Variants in CDYL observed in about 807,000 individuals in gnomAD.
CDYL encodes chromodomain Y-like protein.
A neutral mutation model predicts 47.3 loss-of-function variants in CDYL; 8 were observed. The observed-to-expected ratio is 0.17, with a 90% CI of 0.10 to 0.31. The LOEUF (loss-of-function observed/expected upper bound fraction) is 0.31, where lower values mean the gene tolerates loss of function less well. CDYL is among the 10% of genes least tolerant of loss of function. The pLI is 1.00. For synonymous variants in CDYL, 266 were observed against 265.0 expected (o/e 1.00, Z -0.04); for missense variants, 471 against 701.4 (o/e 0.67, Z 3.71).
At chr6:4,805,043 C>CA (rs1425344793) in intron 1 of CDYL, among the ~76,000 whole-genome samples, 3 of 151,750 alleles carry the variant, frequency 2.0e-5, no homozygotes, top group South Asian at 2.1e-4. Flanking sequence ...TAAATCAGAC[C>CA]AAAAAAACCC....
rs567115323 is a variant in CDYL, at chr6:4,934,899, C to T, written c.692-616C>T. 2.0e-5 allele frequency among the ~76,000 whole-genome samples: 3 copies of T among 152,244 alleles called. No individual in the cohort carries two copies. In the South Asian group the frequency reaches 6.2e-4, roughly 32 times the overall value. On this transcript the variant is annotated intron_variant, in intron 2 of 6. Coordinates refer to ENST00000397588, the MANE Select transcript of CDYL (RefSeq NM_004824.4). ...GGGAGAGGAGAGCTATCTTCAGCTG[C>T]TTAACAGGGCTGTTTGAAAAAGGAG...
intron 3 of CDYL, among the ~76,000 whole-genome samples, chr6:4,767,263 A>T (rs957975203): frequency 1.4e-3 from 198 of 138,090 alleles, no homozygotes; most frequent in African/African-American, 6.2e-3. Context: ...TCATGATAAA[A>T]AAAAAAAAAG....
At chr6:4,723,480 A>G (rs11242975) in intron 2 of CDYL, among the ~76,000 whole-genome samples, 65,837 of 151,798 alleles carry the variant, frequency 0.43, 14,669 homozygotes, top group African/African-American at 0.56. Flanking sequence ...GCATAGTTAG[A>G]GAAAACAATG....
chr6:4,946,672 G>A (rs575047911), intron 5 of CDYL, among the ~76,000 whole-genome samples: 2 of 151,794 alleles, frequency 1.3e-5, no homozygotes, highest in East Asian at 1.9e-4. Flanking sequence ...CTGACCTTGC[G>A]CCTGTGGGGC....
At chr6:4,949,184 G>C (rs1758620150) in intron 5 of CDYL, among the ~76,000 whole-genome samples, 1 of 152,232 alleles carries the variant, frequency 6.6e-6, no homozygotes, top group Admixed American at 6.5e-5. Flanking sequence ...GACATTCATG[G>C]AGTGCATGGA....
intron 3 of CDYL, among the ~76,000 whole-genome samples, chr6:4,735,907 G>T (rs997629780): frequency 1.4e-3 from 6 of 4,328 alleles, no homozygotes; most frequent in Non-Finnish European, 3.7e-3. Flanking sequence ...GCACGTGATG[G>T]GGGGGGGTGG....
intron 2 of CDYL, among the ~76,000 whole-genome samples, chr6:4,924,956 A>G (rs940189563): frequency 1.3e-5 from 2 of 152,224 alleles, no homozygotes; most frequent in African/African-American, 2.4e-5. Flanking sequence ...AATACGATAC[A>G]TTATCTTGAA....
At chr6:4,788,644 C>T (rs765947753) in intron 1 of CDYL, among the ~76,000 whole-genome samples, 1 of 151,902 alleles carries the variant, frequency 6.6e-6, no homozygotes, top group Non-Finnish European at 1.5e-5. Flanking sequence ...CCACCCCTCC[C>T]CCACCATATT....
chr6:4,745,904 A>G (rs1757887919), intron 3 of CDYL, among the ~76,000 whole-genome samples: 1 of 152,210 alleles, frequency 6.6e-6, no homozygotes, highest in Non-Finnish European at 1.5e-5. Flanking sequence ...AGGAGAAAGC[A>G]TGTGTTCAGG....
chr6:4,872,251 A>G (rs1761496764), intron 1 of CDYL, among the ~76,000 whole-genome samples: 2 of 150,402 alleles, frequency 1.3e-5, no homozygotes, highest in Admixed American at 6.6e-5. Flanking sequence ...TGACCTTTAC[A>G]CCAAGAGCTT....
chr6:4,803,095 G>C (rs946524791), intron 1 of CDYL, among the ~76,000 whole-genome samples: 1 of 152,194 alleles, frequency 6.6e-6, no homozygotes, highest in African/African-American at 2.4e-5. Context: ...GAGCCCTTCA[G>C]CCTTAGACTG....
upstream of CDYL, among the ~76,000 whole-genome samples, chr6:4,774,033 A>G (rs1758378441): frequency 6.6e-6 from 1 of 152,170 alleles, no homozygotes; most frequent in South Asian, 2.1e-4. Flanking sequence ...CCTGGGCAAC[A>G]ATGGCAGTTT....
intron 2 of CDYL, among the ~76,000 whole-genome samples, chr6:4,716,467 A>G (rs547004223): frequency 2.0e-5 from 3 of 151,962 alleles, no homozygotes; most frequent in African/African-American, 7.2e-5. Context: ...TGTGTCTCCC[A>G]TTGCTCTTTA....
chr6:4,952,210 C>A, intron 5 of CDYL, 56 bp from the exon 6 acceptor site: 3 of 1,576,266 alleles, frequency 1.9e-6, no homozygotes, highest in South Asian at 1.2e-5. Context: ...AGGGATGGGT[C>A]TTCCCCGCCC....
intron 3 of CDYL, among the ~76,000 whole-genome samples, chr6:4,762,645 C>CAAAAA (rs1173404314): frequency 1.3e-4 from 5 of 39,650 alleles, no homozygotes; most frequent in South Asian, 1.0e-3. Context: ...TAAAGGGTAC[C>CAAAAA]AAAAAAAAAA....
chr6:4,812,123 T>G lies in CDYL; in HGVS notation c.24+35316T>G, dbSNP rs116155864. ...TTGTAGGGACATGGTTTTGTATACA[T>G]GTTTTCTATAGTGAACATAGAAAGT... On this transcript the variant is annotated intron_variant, in intron 1 of 6. Coordinates refer to ENST00000397588, the MANE Select transcript of CDYL (RefSeq NM_004824.4). 5.8e-3 allele frequency among the ~76,000 whole-genome samples: 887 copies of G among 152,314 alleles called. 8 individuals are homozygous for G. Among genetic ancestry groups the G allele is most frequent in the African/African-American group, 0.02 (851 of 41,560 alleles).
At chr6:4,949,279 G>A (rs1758624900) in intron 5 of CDYL, among the ~76,000 whole-genome samples, 1 of 152,182 alleles carries the variant, frequency 6.6e-6, no homozygotes, top group Non-Finnish European at 1.5e-5. Context: ...GCTGGAGAAT[G>A]CCCAGCGAGT....
chr6:4,925,409 CT>C (rs58457972), intron 2 of CDYL, among the ~76,000 whole-genome samples: 84 of 109,298 alleles, frequency 7.7e-4, no homozygotes, highest in African/African-American at 2.8e-3. Context: ...ATTCTTTTTT[CT>C]TTTTTTTTTT....
chr6:4,829,019 T>C (rs1274188944), intron 1 of CDYL, among the ~76,000 whole-genome samples: 2 of 152,216 alleles, frequency 1.3e-5, no homozygotes, highest in East Asian at 3.8e-4. Context: ...CAGTTCTTCA[T>C]ATCTTTCTTT....
Sources: gnomAD v4.1 joint callset for allele counts (sites outside exome capture counted in the v4.1 genomes callset) on GRCh38, gnomAD v4.1.1 for gene constraint, MANE v1.5 for transcripts, NCBI Gene and HGNC (gene_info 2026-07-23, HGNC 2026-07-21) for gene names.